The following CORO7 variants were observed in gnomAD, a reference collection of about 807,000 sequenced individuals.
CORO7 encodes coronin-7.
CORO7 carries 107 observed loss-of-function variants against 126.6 expected under a neutral mutation model. That is an observed-to-expected ratio of 0.85 (90% confidence interval 0.72 to 0.99). The LOEUF (loss-of-function observed/expected upper bound fraction) is 0.99. CORO7 is among the 50% of genes least tolerant of loss of function. The probability of loss-of-function intolerance (pLI) is 0.00; values close to 1 mark genes in which losing one functional copy is unlikely to be tolerated. For synonymous variants in CORO7, 603 were observed against 536.8 expected (o/e 1.12, Z -1.70); for missense variants, 1,314 against 1,255.8 (o/e 1.05, Z -0.70).
chr16:4,367,846 G>A (rs934354004), intron 9 of CORO7, among the ~76,000 whole-genome samples: 1 of 152,044 alleles, frequency 6.6e-6, no homozygotes, highest in Non-Finnish European at 1.5e-5. Flanking sequence ...CATGTGGGGA[G>A]GGGGAGTTCT....
intron 22 of CORO7, 41 bp downstream of exon 22, chr16:4,359,439 A>C (rs1046586414): frequency 9.9e-6 from 16 of 1,613,242 alleles, no homozygotes; most frequent in Non-Finnish European, 1.4e-5. Context: ...CCTTCCCCCC[A>C]CCACCTCTCA....
intron 19 of CORO7, among the ~76,000 whole-genome samples, 181 bp downstream of exon 19, chr16:4,360,762 G>A (rs1421921741): frequency 1.9e-5 from 2 of 102,996 alleles, no homozygotes; most frequent in South Asian, 3.1e-4. Context: ...CCTCCTCACC[G>A]CTGGCCCTGC....
chr16:4,405,874 C>A (rs2055980614), intron 5 of CORO7, among the ~76,000 whole-genome samples: 1 of 152,228 alleles, frequency 6.6e-6, no homozygotes, highest in Non-Finnish European at 1.5e-5. Flanking sequence ...CAGGGTCACT[C>A]CTGCCCTAAG....
intron 6 of CORO7, among the ~76,000 whole-genome samples, chr16:4,399,758 G>A (rs1219206949): frequency 4.6e-5 from 7 of 152,036 alleles, no homozygotes; most frequent in African/African-American, 1.7e-4. Context: ...GGGCGTGGTG[G>A]CACGTGCTAG....
intron 4 of CORO7, 73 bp from the exon 5 acceptor site, chr16:4,407,757 G>A: frequency 4.8e-6 from 7 of 1,467,380 alleles, no homozygotes; most frequent in Middle Eastern, 1.8e-4. Flanking sequence ...CGTGACCCCA[G>A]TGAGGTCCCG....
At chr16:4,415,724 G>A in intron 1 of CORO7, 2 of 985,500 alleles carry the variant, frequency 2.0e-6, no homozygotes, top group Non-Finnish European at 2.4e-6. Flanking sequence ...CAAATAACAC[G>A]GAAAGCGGAA....
At chr16:4,392,109 C>T (rs532054635) in intron 7 of CORO7, among the ~76,000 whole-genome samples, 2 of 152,326 alleles carry the variant, frequency 1.3e-5, no homozygotes, top group East Asian at 3.9e-4. Context: ...GTCTGATGCA[C>T]TGAGATTCCT....
chr16:4,361,788 G>T, intron 16 of CORO7, 197 bp downstream of exon 16: 1 of 953,014 alleles, frequency 1.0e-6, no homozygotes, highest in Non-Finnish European at 1.6e-6. Flanking sequence ...ACCTCTCTGT[G>T]CCTCTTCTCC....
chr16:4,363,924 C>T (rs2054264561), intron 14 of CORO7, among the ~76,000 whole-genome samples: 3 of 152,094 alleles, frequency 2.0e-5, no homozygotes, highest in Admixed American at 1.3e-4. Context: ...GAGGCTGAGG[C>T]AGGAGAATCA....
At chr16:4,387,952 G>T (rs2055250568) in intron 9 of CORO7, 34 bp downstream of exon 9, 13 of 1,610,154 alleles carry the variant, frequency 8.1e-6, no homozygotes, top group Non-Finnish European at 1.1e-5. Flanking sequence ...TGGGTCATCA[G>T]CCCCCCAGCC....
chr16:4,412,080 G>A (rs2056232001), intron 3 of CORO7, among the ~76,000 whole-genome samples: 1 of 152,014 alleles, frequency 6.6e-6, no homozygotes, highest in African/African-American at 2.4e-5. Context: ...GGGACAGGGA[G>A]CCAGCATCAG....
chr16:4,364,859 C>T lies in CORO7; in HGVS notation c.960G>A (p.Leu320=), dbSNP rs1194445757. ...GGAGTACCTCGCAGCTCATGACGGC[C>T]AGCGCCTGCCGGGGCACAAGGGCAG... The part of the protein sequence containing the change: ...RGAALVPRQA[L]AVMSCEVLRV... Residue 320 remains leucine (L), a synonymous_variant, in exon 12 of 28, where the codon CTG becomes CTA. Transcript: ENST00000251166. 2 of 1,612,034 alleles carry T rather than the reference C, an allele frequency of 1.2e-6. No homozygotes were observed. The highest frequency in any genetic ancestry group is 1.7e-6 in the Non-Finnish European group (2 of 1,179,768).
At chr16:4,357,009 G>A (rs945489464) in intron 26 of CORO7, 159 bp downstream of exon 26, 6 of 1,015,242 alleles carry the variant, frequency 5.9e-6, no homozygotes, top group Non-Finnish European at 8.7e-6. Flanking sequence ...ATGGTCAGTG[G>A]TAGGGCTCTG....
At position 4,364,699 on chromosome 16, in the gene CORO7, G is replaced by A. The variant is rs766083601; in HGVS notation, c.1045-10C>T. ...CGTGGAACTCCACAGCCTGGCCGCA[G>A]ACAAGCAGGCAGCTAGTGAGGCCCA... is the stretch of plus-strand genomic sequence containing the variant. On this transcript the variant is annotated splice_polypyrimidine_tract_variant and intron_variant, in intron 12 of 27. Transcript: ENST00000251166. 5.7e-6 allele frequency: 9 copies of A among 1,585,578 alleles called. No homozygotes were observed. The South Asian group carries it at 1.0e-4, about 18-fold the overall frequency.
Position 4,382,614 on chromosome 16 carries a change from G to A in CORO7, c.785+5372C>T, listed in dbSNP as rs528766233. 1.1e-4 allele frequency: 169 copies of A among 1,579,906 alleles called. 2 individuals carry two copies. In the Admixed American group the frequency reaches 1.6e-3, roughly 15 times the overall value. On this transcript the variant is annotated intron_variant, in intron 9 of 27. Transcript: ENST00000251166. ...AGGGCAACCTGCCGCTCCTCATTGC[G>A]CCCGCCCTGGCCGCGGTGCTCCTGG...
chr16:4,382,238 C>T (rs754717382), intron 9 of CORO7: 2 of 1,607,186 alleles, frequency 1.2e-6, no homozygotes, highest in Non-Finnish European at 1.7e-6. Flanking sequence ...CCCAGCCCTA[C>T]ACCAGTCACG....
intron 9 of CORO7, among the ~76,000 whole-genome samples, chr16:4,387,222 A>G (rs892401489): frequency 1.3e-5 from 2 of 151,950 alleles, no homozygotes; most frequent in Non-Finnish European, 2.9e-5. Context: ...GGGTGGTCTG[A>G]ACAGATGAGT....
At chr16:4,358,553 G>A (rs2054057838) in intron 23 of CORO7, 70 bp from the exon 24 acceptor site, 2 of 1,455,590 alleles carry the variant, frequency 1.4e-6, no homozygotes, top group South Asian at 1.4e-5. Context: ...AGTCTCCCCA[G>A]GGTGCCGGCA....
chr16:4,408,142 C>A, intron 4 of CORO7, 39 bp downstream of exon 4: 1 of 1,613,814 alleles, frequency 6.2e-7, no homozygotes, highest in Non-Finnish European at 8.5e-7. Flanking sequence ...GGACTACGGG[C>A]TGGGACATAG....
Sources: allele counts gnomAD v4.1 joint callset (sites outside exome capture counted in the v4.1 genomes callset), GRCh38; gene constraint gnomAD v4.1.1; transcripts MANE v1.5; gene names NCBI Gene and HGNC (gene_info 2026-07-23, HGNC 2026-07-21).